Variants in ARHGAP26 observed in about 807,000 individuals in gnomAD.
ARHGAP26 encodes the protein Rho GTPase activating protein 26.
Under a neutral mutation model 104.8 loss-of-function variants are expected in ARHGAP26, and 38 were observed. The observed-to-expected ratio is 0.36, with a 90% CI of 0.28 to 0.48. ARHGAP26 has a LOEUF of 0.48. Among genes scored for constraint, ARHGAP26 ranks in the 20% least tolerant of loss-of-function variants. ARHGAP26 has a pLI of 0.99. For missense variants in ARHGAP26, 704 were observed against 947.9 expected, an observed-to-expected ratio of 0.74 and a Z score of 3.38; for synonymous variants, 341 against 340.0, an observed-to-expected ratio of 1.00 and a Z score of -0.03.
intron 7 of ARHGAP26, among the ~76,000 whole-genome samples, chr5:142,902,563 T>C (rs917200786): frequency 1.3e-5 from 2 of 152,354 alleles, no homozygotes; most frequent in South Asian, 2.1e-4. Flanking sequence ...GACCTTTTGG[T>C]GCACAGAATC....
At chr5:143,218,103 C>G (rs1312905501) in intron 22 of ARHGAP26, among the ~76,000 whole-genome samples, 2 of 152,232 alleles carry the variant, frequency 1.3e-5, no homozygotes, top group African/African-American at 2.4e-5. Context: ...TACTGGAACA[C>G]AGACACTCAT....
intron 1 of ARHGAP26, chr5:142,771,151 C>T: frequency 7.7e-7 from 1 of 1,292,864 alleles, no homozygotes; most frequent in Non-Finnish European, 9.8e-7. Flanking sequence ...GGAGGTGACC[C>T]AGCGCGGGTG....
chr5:142,955,064 A>G (rs929174931), intron 11 of ARHGAP26, among the ~76,000 whole-genome samples: 7 of 151,784 alleles, frequency 4.6e-5, no homozygotes, highest in African/African-American at 1.7e-4. Flanking sequence ...GGATCACTTG[A>G]GCCCAGCAGT....
chr5:143,158,694 T>C (rs1263220658), intron 20 of ARHGAP26, among the ~76,000 whole-genome samples: 1 of 152,236 alleles, frequency 6.6e-6, no homozygotes, highest in Non-Finnish European at 1.5e-5. Flanking sequence ...GACATTGCTT[T>C]AATGTTCCTT....
At chr5:143,185,144 A>G (rs536392701) in intron 20 of ARHGAP26, among the ~76,000 whole-genome samples, 93 of 152,358 alleles carry the variant, frequency 6.1e-4, no homozygotes, top group African/African-American at 2.2e-3. Context: ...TAATATGGGG[A>G]TATTACATAA....
intron 14 of ARHGAP26, among the ~76,000 whole-genome samples, chr5:143,047,223 CCAT>C (rs892427521): frequency 8.5e-5 from 13 of 152,132 alleles, no homozygotes; most frequent in African/African-American, 3.1e-4. Flanking sequence ...GTAAACATCC[CCAT>C]TGAGGCAGCA....
chr5:142,796,590 A>G (rs764097490), intron 1 of ARHGAP26, among the ~76,000 whole-genome samples: 3 of 152,252 alleles, frequency 2.0e-5, no homozygotes, highest in Non-Finnish European at 4.4e-5. Flanking sequence ...GTTCTCAAGT[A>G]TTACAGTGTA....
chr5:142,874,377 G>A lies in ARHGAP26; in HGVS notation c.251-733G>A, dbSNP rs146181678. On this transcript the variant is annotated intron_variant, in intron 2 of 22. Transcript: ENST00000645722. ...TTAATTAATTCATCAAATGCTTATT[G>A]AGTTCCTGTTGCCATGTAGAACATC... 1.8e-4 allele frequency among the ~76,000 whole-genome samples: 28 copies of A among 152,292 alleles called. 2 individuals carry two copies. The East Asian group carries it at 5.4e-3, about 29-fold the overall frequency.
chr5:143,203,017 C>T (rs1442021665), intron 20 of ARHGAP26: 3 of 152,166 alleles, frequency 2.0e-5, no homozygotes, highest in African/African-American at 7.2e-5. Context: ...TTGGCATGGT[C>T]AAAGACTTCA....
chr5:142,783,478 A>AT (rs918934104), intron 1 of ARHGAP26, among the ~76,000 whole-genome samples: 23 of 150,098 alleles, frequency 1.5e-4, no homozygotes, highest in East Asian at 9.7e-4. Context: ...TATGTTTCAC[A>AT]TTTTTTTTTT....
At chr5:143,037,305 G>T in intron 13 of ARHGAP26, 44 bp downstream of exon 13, 1 of 1,510,526 alleles carries the variant, frequency 6.6e-7, no homozygotes, top group Non-Finnish European at 9.1e-7. Context: ...AGAAGGTCAC[G>T]CATCTGGTGA....
At chr5:142,840,569 A>G (rs1185991433) in intron 1 of ARHGAP26, among the ~76,000 whole-genome samples, 1 of 152,158 alleles carries the variant, frequency 6.6e-6, no homozygotes, top group African/African-American at 2.4e-5. Context: ...GAAAATGTTT[A>G]AGAGTTGTGC....
At position 143,222,556 on chromosome 5, in the gene ARHGAP26, CTG is replaced by C; in HGVS notation, c.*112_*113del. ...ACTGAGAAATGCAGCGTGACTGACT[CTG>C]TTGCTACCTGTCAACATGAATGTTT... On this transcript the variant is annotated 3_prime_UTR_variant, in exon 23 of 23. Coordinates refer to ENST00000645722, the MANE Select transcript of ARHGAP26 (RefSeq NM_001135608.3). 2 of 748,536 alleles carry C rather than the reference CTG, an allele frequency of 2.7e-6. No individual in the cohort carries two copies. Among genetic ancestry groups the C allele is most frequent in the Non-Finnish European group, 4.1e-6 (2 of 492,770 alleles). 46.4% of individuals were successfully genotyped at this position (748,536 alleles called of 1,614,324 possible).
At chr5:143,134,613 A>G (rs1021162102) in intron 19 of ARHGAP26, among the ~76,000 whole-genome samples, 2 of 152,228 alleles carry the variant, frequency 1.3e-5, no homozygotes, top group African/African-American at 4.8e-5. Context: ...TTTGAAATTC[A>G]TTAGTGAATT....
intron 11 of ARHGAP26, among the ~76,000 whole-genome samples, chr5:142,959,221 ATTCAT>A (rs1266371433): frequency 6.6e-6 from 1 of 152,218 alleles, no homozygotes; most frequent in African/African-American, 2.4e-5. Flanking sequence ...ACAAAAGCAC[ATTCAT>A]TTATTTTATC....
At chr5:143,152,595 C>A (rs1288853274) in intron 20 of ARHGAP26, among the ~76,000 whole-genome samples, 1 of 152,186 alleles carries the variant, frequency 6.6e-6, no homozygotes, top group Non-Finnish European at 1.5e-5. Flanking sequence ...ATCTTTGCAA[C>A]CCCTCCCATT....
chr5:143,107,864 G>A (rs1015219482), intron 17 of ARHGAP26, among the ~76,000 whole-genome samples: 12 of 152,188 alleles, frequency 7.9e-5, no homozygotes, highest in African/African-American at 2.4e-4. Context: ...TGAGTTTCCA[G>A]CTTTGTGCCA....
chr5:143,058,783 G>A (rs1786249012), intron 17 of ARHGAP26, among the ~76,000 whole-genome samples: 1 of 152,220 alleles, frequency 6.6e-6, no homozygotes, highest in Non-Finnish European at 1.5e-5. Context: ...TATATATCAT[G>A]AAGATTTCCA....
intron 20 of ARHGAP26, among the ~76,000 whole-genome samples, chr5:143,159,315 A>G (rs1196204205): frequency 6.6e-6 from 1 of 152,250 alleles, no homozygotes; most frequent in African/African-American, 2.4e-5. Context: ...AGAAGAGATC[A>G]GGGTAAAGAT....
Sources: allele counts gnomAD v4.1 joint callset (sites outside exome capture counted in the v4.1 genomes callset), GRCh38; gene constraint gnomAD v4.1.1; transcripts MANE v1.5; gene names NCBI Gene and HGNC (gene_info 2026-07-23, HGNC 2026-07-21).